SPATA1: variants seen among roughly 807,000 people sequenced by gnomAD.
SPATA1 encodes spermatogenesis-associated protein 1.
A neutral mutation model predicts 59.6 loss-of-function variants in SPATA1; 57 were observed. The ratio of observed to expected loss-of-function variants is 0.96; its 90% CI spans 0.77 to 1.19. SPATA1 has a LOEUF of 1.19. SPATA1 is among the 50% of genes most tolerant of loss of function. The pLI, the probability that SPATA1 is intolerant of heterozygous loss-of-function variation, is 0.00. For missense variants in SPATA1, 448 were observed against 480.7 expected, an observed-to-expected ratio of 0.93 and a Z score of 0.64; for synonymous variants, 147 against 163.9, an observed-to-expected ratio of 0.90 and a Z score of 0.79.
intron 2 of SPATA1, among the ~76,000 whole-genome samples, chr1:84,516,810 G>A (rs1208485074): frequency 1.3e-5 from 2 of 152,072 alleles, no homozygotes; most frequent in African/African-American, 4.8e-5. Flanking sequence ...CTACACCTGA[G>A]CAGCTGAACA....
At chr1:84,509,146 A>G (rs1402842939) in intron 1 of SPATA1, among the ~76,000 whole-genome samples, 3 of 151,998 alleles carry the variant, frequency 2.0e-5, no homozygotes, top group South Asian at 2.1e-4. Context: ...TGGAGGAATC[A>G]TGTTACCTGA....
At chr1:84,541,533 TTTTC>T (rs1683903419) in intron 8 of SPATA1, among the ~76,000 whole-genome samples, 1 of 152,170 alleles carries the variant, frequency 6.6e-6, no homozygotes, top group African/African-American at 2.4e-5. Context: ...GAGAATTTCT[TTTTC>T]TTTATTTCTT....
intron 4 of SPATA1, among the ~76,000 whole-genome samples, chr1:84,562,823 A>G (rs946574981): frequency 3.3e-5 from 5 of 152,192 alleles, no homozygotes; most frequent in African/African-American, 1.2e-4. Flanking sequence ...AAAGTCGATT[A>G]TGACACCTCT....
chr1:84,521,630 C>T (rs1683031249), intron 3 of SPATA1, among the ~76,000 whole-genome samples: 1 of 152,060 alleles, frequency 6.6e-6, no homozygotes. Context: ...TTTCTCCCTT[C>T]CCTGCCTTAT....
chr1:84,557,550 A>G (rs1379825801), downstream of SPATA1, among the ~76,000 whole-genome samples: 28 of 134,898 alleles, frequency 2.1e-4, no homozygotes, highest in East Asian at 1.3e-3. Flanking sequence ...AAAAAAAAAA[A>G]AAAGAAAAAA....
chr1:84,525,678 C>T lies in SPATA1; in HGVS notation c.262-18C>T. 1.3e-6 allele frequency: 2 copies of T among 1,551,686 alleles called. No individual in the cohort carries two copies. Among genetic ancestry groups the T allele is most frequent in the East Asian group, 2.3e-5 (1 of 43,456 alleles). ...ATGTAGCAAAAGCTTTAATTTTTTT[C>T]TCACTACTTATTTCTAGGTGAAGGA... is the stretch of plus-strand genomic sequence containing the variant. On this transcript the variant is annotated intron_variant, in intron 4 of 12. Transcript: ENST00000490879.
chr1:84,542,219 C>A (rs1375769448), intron 8 of SPATA1, among the ~76,000 whole-genome samples: 4 of 152,300 alleles, frequency 2.6e-5, no homozygotes, highest in African/African-American at 7.2e-5. Context: ...CCGCCTTGGC[C>A]TCCCAAGAAA....
At chr1:84,555,453 G>T (rs1457144526), downstream of SPATA1, among the ~76,000 whole-genome samples, 2 of 152,104 alleles carry the variant, frequency 1.3e-5, no homozygotes, top group African/African-American at 4.8e-5. Context: ...TAGACTTTAC[G>T]ATGGATTTAT....
At chr1:84,520,396 C>T in intron 2 of SPATA1, 189 bp from the exon 3 acceptor site, 1 of 482,566 alleles carries the variant, frequency 2.1e-6, no homozygotes, top group Non-Finnish European at 3.6e-6. Context: ...GGAAAATGTA[C>T]TCCAAGTGCC....
At chr1:84,511,678 TC>T (rs760542825) in intron 1 of SPATA1, among the ~76,000 whole-genome samples, 7,445 of 120,020 alleles carry the variant, frequency 0.062, 935 homozygotes, top group African/African-American at 0.15. Flanking sequence ...TTTCTTTCTT[TC>T]TTTTTTTTTT....
At chr1:84,536,590 C>T (rs1683692924) in intron 8 of SPATA1, among the ~76,000 whole-genome samples, 1 of 152,156 alleles carries the variant, frequency 6.6e-6, no homozygotes, top group Admixed American at 6.5e-5. Flanking sequence ...ACTACAGGTG[C>T]CCGCCACCAC....
intron 1 of SPATA1, among the ~76,000 whole-genome samples, chr1:84,512,675 G>T (rs765581390): frequency 3.3e-5 from 5 of 152,216 alleles, no homozygotes; most frequent in African/African-American, 7.2e-5. Flanking sequence ...GGAAGGACCA[G>T]ATCAGAGATG....
chr1:84,530,159 C>T (rs1478443423), intron 6 of SPATA1, among the ~76,000 whole-genome samples: 1 of 152,160 alleles, frequency 6.6e-6, no homozygotes, highest in East Asian at 1.9e-4. Flanking sequence ...GGATTGCAGT[C>T]ATGAGCCACC....
intron 4 of SPATA1, chr1:84,563,588 A>G (rs1447093922): frequency 3.1e-6 from 2 of 640,666 alleles, no homozygotes; most frequent in African/African-American, 1.9e-5. Context: ...TATGATAATC[A>G]TAAGCTTTCA....
intron 6 of SPATA1, among the ~76,000 whole-genome samples, chr1:84,531,860 A>G (rs1683484296): frequency 6.6e-6 from 1 of 152,174 alleles, no homozygotes; most frequent in Non-Finnish European, 1.5e-5. Flanking sequence ...ATGCCCAGCA[A>G]CAACTCTTGT....
intron 3 of SPATA1, among the ~76,000 whole-genome samples, chr1:84,521,847 C>T (rs1017576400): frequency 6.6e-6 from 1 of 152,034 alleles, no homozygotes; most frequent in African/African-American, 2.4e-5. Context: ...AATGAATTAC[C>T]TAATATTTCT....
chr1:84,523,087 T>C (rs1352971517), intron 4 of SPATA1, among the ~76,000 whole-genome samples: 1 of 152,028 alleles, frequency 6.6e-6, no homozygotes, highest in Non-Finnish European at 1.5e-5. Context: ...GTATTTTTAG[T>C]AGAGACAGAG....
intron 1 of SPATA1, among the ~76,000 whole-genome samples, 151 bp from the exon 2 acceptor site, chr1:84,516,072 A>AG: frequency 6.6e-6 from 1 of 152,202 alleles, no homozygotes; most frequent in Non-Finnish European, 1.5e-5. Flanking sequence ...ACTTAGTTGT[A>AG]TAGATTTATG....
chr1:84,555,095 C>G (rs139699803), downstream of SPATA1: 1 of 1,613,904 alleles, frequency 6.2e-7, no homozygotes, highest in Non-Finnish European at 8.5e-7. Flanking sequence ...AGTTTGCATT[C>G]CACATGCCAA....
Sources: gnomAD v4.1 joint callset for allele counts (sites outside exome capture counted in the v4.1 genomes callset) on GRCh38, gnomAD v4.1.1 for gene constraint, MANE v1.5 for transcripts, NCBI Gene and HGNC (gene_info 2026-07-23, HGNC 2026-07-21) for gene names.